Variants in NXT1 observed in about 807,000 individuals in gnomAD.
NXT1 encodes nuclear transport factor 2 like export factor 1.
In NXT1, 3 loss-of-function variants were observed where a neutral mutation model predicts 9.9. The observed-to-expected ratio is 0.30, with a 90% CI of 0.14 to 0.79. The LOEUF (loss-of-function observed/expected upper bound fraction) is 0.79, where lower values mean the gene tolerates loss of function less well. NXT1 is among the 30% of genes least tolerant of loss of function. The pLI is 0.63. For missense variants in NXT1, 91 were observed against 178.2 expected (o/e 0.51, Z 2.79); for synonymous variants, 53 against 66.5 (o/e 0.80, Z 0.99).
chr20:23,352,869 C>T (rs1011299054), intron 1 of NXT1, among the ~76,000 whole-genome samples: 5 of 152,106 alleles, frequency 3.3e-5, no homozygotes, highest in Non-Finnish European at 1.5e-5. Context: ...GCTGGGTGTC[C>T]TCCCTTCTAA....
intron 1 of NXT1, 147 bp from the exon 2 acceptor site, chr20:23,353,834 A>C: frequency 1.7e-6 from 1 of 590,616 alleles, no homozygotes. Flanking sequence ...AGGCATTTTT[A>C]GGCATTGGGT....
rs569570954 is a variant in NXT1 at position 23,354,664 on chromosome 20, T to C, written c.*200T>C. 1 of 589,304 alleles carries C rather than the reference T, an allele frequency of 1.7e-6. No homozygotes were observed. Among genetic ancestry groups the C allele is most frequent in the East Asian group, 3.0e-5 (1 of 33,700 alleles). 36.5% of individuals were successfully genotyped at this position (589,304 alleles called of 1,614,324 possible). A position where few individuals can be genotyped will look rare whatever the true frequency, so the allele number is the denominator to read the frequency against. On this transcript the variant is annotated 3_prime_UTR_variant, in exon 2 of 2. Coordinates refer to ENST00000254998, the MANE Select transcript of NXT1 (RefSeq NM_013248.3). ...TTCCTGAATATATACTTGTTTGTCA[T>C]AGTTTCCTTTTCAAAGTAGTAAACT...
rs960232049 is a variant in NXT1 at position 23,353,926 on chromosome 20, G to A, written c.-61-55G>A. On this transcript the variant is annotated intron_variant, in intron 1 of 1. Coordinates refer to ENST00000254998, the MANE Select transcript of NXT1 (RefSeq NM_013248.3). ...AAAAGGAGGAATGTTCCATTGTCAG[G>A]GCAGAATGAACTTTGGCATTCACGT... 9.3e-6 allele frequency: 9 copies of A among 962,630 alleles called. No individual in the cohort carries two copies. The African/African-American group carries it at 1.3e-4, about 14-fold the overall frequency. The allele number at this position is 962,630 out of a possible 1,614,324, so 59.6% of individuals were successfully genotyped here.
intron 1 of NXT1, among the ~76,000 whole-genome samples, chr20:23,351,702 C>T (rs1016783585): frequency 6.6e-6 from 1 of 152,152 alleles, no homozygotes; most frequent in African/African-American, 2.4e-5. Flanking sequence ...GAGAAAATTC[C>T]CACTCTAGCA....
At position 23,354,315 on chromosome 20, in the gene NXT1, CTTG is replaced by C. The variant is rs1980349739; in HGVS notation, c.279_281del (p.Val94del). The C allele has an allele frequency of 6.2e-7, 1 of 1,614,224 alleles. No individual in the cohort carries two copies. The highest frequency in any genetic ancestry group is 8.5e-7 in the Non-Finnish European group (1 of 1,180,050). ...AGCCACACCAAGCCAGACCACGGTC[CTTG>C]TTGTCATCTGTGGATCAGTGAAGTT... On this transcript the variant is annotated inframe_deletion, in exon 2 of 2. Transcript: ENST00000254998.
chr20:23,353,226 G>A (rs190141309), intron 1 of NXT1, among the ~76,000 whole-genome samples: 4 of 152,276 alleles, frequency 2.6e-5, no homozygotes, highest in African/African-American at 2.4e-5. Context: ...TTAAAAATTC[G>A]TGGTCCAATC....
Position 23,354,021 on chromosome 20 carries a change from C to T in NXT1, c.-21C>T, listed in dbSNP as rs202108278. 54 of 1,602,532 alleles carry T rather than the reference C, an allele frequency of 3.4e-5. 1 individual carries two copies. The Middle Eastern group carries it at 6.6e-4, about 20-fold the overall frequency. On this transcript the variant is annotated 5_prime_UTR_variant, in exon 2 of 2. Coordinates refer to ENST00000254998, the MANE Select transcript of NXT1 (RefSeq NM_013248.3). ...GGCAGAGGAAATACCCTGGTGGAGC[C>T]CTCCTTCCATAGAACCAGAGATGGC...
At chr20:23,353,088 G>A (rs2122996272) in intron 1 of NXT1, among the ~76,000 whole-genome samples, 1 of 152,252 alleles carries the variant, frequency 6.6e-6, no homozygotes, top group Non-Finnish European at 1.5e-5. Context: ...GCCTTTATTG[G>A]GCCAGTGACC....
Sources: allele counts gnomAD v4.1 joint callset (sites outside exome capture counted in the v4.1 genomes callset), GRCh38; gene constraint gnomAD v4.1.1; transcripts MANE v1.5; gene names NCBI Gene and HGNC (gene_info 2026-07-23, HGNC 2026-07-21).